Variants in TENM2 observed in about 807,000 individuals in gnomAD.
TENM2 encodes the protein teneurin-2.
A neutral mutation model predicts 245.2 loss-of-function variants in TENM2; 52 were observed. The observed-to-expected ratio is 0.21, with a 90% CI of 0.17 to 0.27. The LOEUF is 0.27. Ranked by LOEUF, TENM2 falls within the 10% of genes least tolerant of loss-of-function variation. TENM2 has a pLI of 1.00. For synonymous variants in TENM2, 1,363 were observed against 1,438.9 expected (o/e 0.95, Z 1.19); for missense variants, 3,046 against 3,666.8 (o/e 0.83, Z 4.37).
At chr5:167,828,180 G>T (rs747438717) in intron 2 of TENM2, among the ~76,000 whole-genome samples, 2 of 152,184 alleles carry the variant, frequency 1.3e-5, no homozygotes, top group Non-Finnish European at 2.9e-5. Flanking sequence ...ATGAGGAAAA[G>T]AAGTCAGTGA....
At chr5:167,584,580 T>A (rs1775345061) in intron 2 of TENM2, among the ~76,000 whole-genome samples, 1 of 152,192 alleles carries the variant, frequency 6.6e-6, no homozygotes, top group African/African-American at 2.4e-5. Context: ...TATCTGGGCA[T>A]GAAGAGGTGG....
At chr5:167,266,009 AC>A in the TENM2 span, among the ~76,000 whole-genome samples, 2 of 152,126 alleles carry the variant, frequency 1.3e-5, no homozygotes, top group African/African-American at 4.8e-5. Flanking sequence ...ATTTTCTACC[AC>A]TTTGGAGATA....
chr5:167,869,782 C>T (rs1404241320), intron 2 of TENM2, among the ~76,000 whole-genome samples: 2 of 152,020 alleles, frequency 1.3e-5, no homozygotes, highest in African/African-American at 2.4e-5. Flanking sequence ...TTGAAAAACC[C>T]GATGCACTTT....
At chr5:167,868,168 C>T (rs1772490879) in intron 2 of TENM2, among the ~76,000 whole-genome samples, 1 of 152,060 alleles carries the variant, frequency 6.6e-6, no homozygotes, top group South Asian at 2.1e-4. Flanking sequence ...TTGTCCTGTG[C>T]ATTATAGGAT....
At chr5:167,271,717 C>T in the TENM2 span, among the ~76,000 whole-genome samples, 1 of 152,088 alleles carries the variant, frequency 6.6e-6, no homozygotes, top group East Asian at 1.9e-4. Flanking sequence ...GCAAATGGCT[C>T]CAGGGACCTT....
At chr5:167,313,399 T>C (rs956168491) in intron 1 of TENM2, among the ~76,000 whole-genome samples, 42 of 152,066 alleles carry the variant, frequency 2.8e-4, no homozygotes, top group African/African-American at 9.7e-4. Context: ...CCCAGCACTT[T>C]GGGAGGCCGA....
At chr5:168,226,296 A>G in intron 24 of TENM2, 33 bp downstream of exon 26, 1 of 1,593,170 alleles carries the variant, frequency 6.3e-7, no homozygotes, top group South Asian at 1.1e-5. Flanking sequence ...CTACCCCCAA[A>G]CTCACCCATA....
the TENM2 span, among the ~76,000 whole-genome samples, chr5:167,179,835 T>C: frequency 6.6e-6 from 1 of 152,186 alleles, no homozygotes; most frequent in African/African-American, 2.4e-5. Context: ...GGGCACAGTC[T>C]TGGAGCTGGA....
intron 1 of TENM2, among the ~76,000 whole-genome samples, chr5:167,286,638 GT>G: frequency 6.6e-6 from 1 of 152,292 alleles, no homozygotes; most frequent in Non-Finnish European, 1.5e-5. Flanking sequence ...TTCTGCTGTA[GT>G]TTTTGTCTCA....
intron 2 of TENM2, among the ~76,000 whole-genome samples, chr5:167,396,979 A>G (rs1049156395): frequency 5.9e-5 from 9 of 152,156 alleles, no homozygotes; most frequent in Admixed American, 2.0e-4. Context: ...TCCTGGAGAA[A>G]TATCCCCAAT....
chr5:167,762,949 T>C (rs1453816716), intron 2 of TENM2, among the ~76,000 whole-genome samples: 1 of 152,152 alleles, frequency 6.6e-6, no homozygotes, highest in African/African-American at 2.4e-5. Flanking sequence ...ACTGTCAGAC[T>C]TTTTTTCCCA....
intron 2 of TENM2, among the ~76,000 whole-genome samples, chr5:167,636,440 C>T (rs945818486): frequency 2.0e-5 from 3 of 152,062 alleles, no homozygotes; most frequent in Non-Finnish European, 2.9e-5. Context: ...TATTGCCTTG[C>T]GAGTTTTATT....
intron 3 of TENM2, among the ~76,000 whole-genome samples, chr5:167,941,159 G>C (rs150726343): frequency 3.9e-4 from 59 of 152,292 alleles, no homozygotes; most frequent in African/African-American, 1.4e-3. Context: ...ACAGTGGATT[G>C]CAATGATAGA....
chr5:168,090,587 A>G (rs1402930886), exon 8 of TENM2: 1 of 1,612,692 alleles, frequency 6.2e-7, no homozygotes, highest in African/African-American at 1.3e-5. Flanking sequence ...GACTTCATGG[A>G]ACGTCTGGAC....
Position 167,666,054 on chromosome 5 carries a change from A to G in TENM2, c.503-209932A>G, listed in dbSNP as rs924338176. Among the ~76,000 whole-genome samples, 4 of 152,300 alleles carry G rather than the reference A, an allele frequency of 2.6e-5. No homozygotes were observed. The East Asian group carries it at 7.7e-4, about 29-fold the overall frequency. ...CAGAGGTATTTGTGTAAAACAGGCG[A>G]TTCCCGTCAGCAAAGATGCAAGATG... On this transcript the variant is annotated intron_variant, in intron 2 of 28. Coordinates refer to ENST00000518659, the Ensembl canonical transcript of TENM2.
intron 13 of TENM2, 80 bp from the exon 16 acceptor site, chr5:168,190,257 T>C (rs1760832530): frequency 1.8e-6 from 2 of 1,102,410 alleles, no homozygotes; most frequent in African/African-American, 3.1e-5. Flanking sequence ...ATGCCTGTGC[T>C]GGTAACAAAG....
At chr5:167,910,246 C>T (rs908425034) in intron 3 of TENM2, among the ~76,000 whole-genome samples, 1 of 152,098 alleles carries the variant, frequency 6.6e-6, no homozygotes, top group African/African-American at 2.4e-5. Flanking sequence ...ACAGATGGAG[C>T]CTGTCAATAT....
At chr5:167,329,984 C>T (rs1757345051) in intron 1 of TENM2, among the ~76,000 whole-genome samples, 1 of 152,142 alleles carries the variant, frequency 6.6e-6, no homozygotes, top group Non-Finnish European at 1.5e-5. Context: ...ACTGTCCTGG[C>T]TAAAGCATCT....
intron 3 of TENM2, among the ~76,000 whole-genome samples, chr5:167,914,684 G>A (rs1776795290): frequency 6.6e-6 from 1 of 152,162 alleles, no homozygotes; most frequent in African/African-American, 2.4e-5. Context: ...CCAAAGTCAA[G>A]GTGTCAGCAG....
Sources: gnomAD v4.1 joint callset for allele counts (sites outside exome capture counted in the v4.1 genomes callset) on GRCh38, gnomAD v4.1.1 for gene constraint, MANE v1.5 for transcripts, NCBI Gene and HGNC (gene_info 2026-07-23, HGNC 2026-07-21) for gene names.